MTTP: variants seen among roughly 807,000 people sequenced by gnomAD.
MTTP encodes microsomal triglyceride transfer protein, also known as microsomal triglyceride transfer protein large subunit.
A neutral mutation model predicts 90.6 loss-of-function variants in MTTP; 49 were observed. The observed-to-expected ratio is 0.54, with a 90% confidence interval of 0.43 to 0.69. The LOEUF (loss-of-function observed/expected upper bound fraction) is 0.69, where lower values mean the gene tolerates loss of function less well. Among genes scored for constraint, MTTP ranks in the 30% least tolerant of loss-of-function variants. MTTP has a pLI of 0.00. For synonymous variants in MTTP, 347 were observed against 384.2 expected, an observed-to-expected ratio of 0.90 and a Z score of 1.13; for missense variants, 945 against 1,067.5, an observed-to-expected ratio of 0.89 and a Z score of 1.60.
intron 17 of MTTP, 32 bp from the exon 18 acceptor site, chr4:99,622,645 G>A: frequency 6.2e-7 from 1 of 1,611,212 alleles, no homozygotes; most frequent in Admixed American, 1.7e-5. Flanking sequence ...AACTGTGTGT[G>A]TAATTCTGTT....
At chr4:99,616,972 C>T (rs954679403) in intron 15 of MTTP, among the ~76,000 whole-genome samples, 6 of 152,046 alleles carry the variant, frequency 3.9e-5, no homozygotes, top group East Asian at 1.9e-4. Context: ...GGTGGATGAA[C>T]AAGATTATAA....
chr4:99,597,108 T>C lies in MTTP; in HGVS notation c.951T>C (p.Pro317=). The change falls in exon 8 of 18, where the codon CCT becomes CCC. Residue 317 remains proline, a synonymous_variant. Coordinates refer to ENST00000265517, the MANE Select transcript of MTTP (RefSeq NM_001386140.1). ...GGTCCACCAGGAAATACCTGCAGCC[T>C]GACAACCTTTCCAAGGCTGAGGCTG... ...LWRSTRKYLQ[P]DNLSKAEAVR... is the part of the protein sequence containing the mutation. 6.2e-7 allele frequency: 1 copy of C among 1,613,998 alleles called. No homozygotes were observed. Among genetic ancestry groups the C allele is most frequent in the Non-Finnish European group, 8.5e-7 (1 of 1,179,886 alleles).
At chr4:99,611,942 C>A (rs1448299684) in intron 14 of MTTP, among the ~76,000 whole-genome samples, 1 of 152,104 alleles carries the variant, frequency 6.6e-6, no homozygotes, top group East Asian at 1.9e-4. Context: ...ATTTCTCCAA[C>A]ACTGCTAGAA....
intron 10 of MTTP, among the ~76,000 whole-genome samples, chr4:99,605,481 A>G (rs1040561412): frequency 1.3e-5 from 2 of 152,112 alleles, no homozygotes; most frequent in African/African-American, 4.8e-5. Flanking sequence ...TCTCCTATGA[A>G]TGGTCATGTA....
intron 3 of MTTP, among the ~76,000 whole-genome samples, chr4:99,585,929 A>G (rs961030662): frequency 1.3e-5 from 2 of 152,162 alleles, no homozygotes; most frequent in Non-Finnish European, 2.9e-5. Flanking sequence ...CAGAAAGATC[A>G]TTACTTAAAT....
At chr4:99,598,002 T>TAC (rs367751335) in intron 8 of MTTP, among the ~76,000 whole-genome samples, 363 of 151,260 alleles carry the variant, frequency 2.4e-3, no homozygotes, top group Middle Eastern at 0.014. Context: ...TTAGCCAAGT[T>TAC]ACACACACAC....
chr4:99,621,017 A>G, intron 16 of MTTP, 44 bp from the exon 17 acceptor site: 1 of 1,577,098 alleles, frequency 6.3e-7, no homozygotes, highest in Non-Finnish European at 8.7e-7. Flanking sequence ...AATACCATTA[A>G]ATATAATATG....
chr4:99,575,504 A>G (rs1313557089), intron 1 of MTTP, among the ~76,000 whole-genome samples: 1 of 152,234 alleles, frequency 6.6e-6, no homozygotes, highest in African/African-American at 2.4e-5. Flanking sequence ...GATAGAATTC[A>G]TAGTGAATTA....
At chr4:99,585,603 T>C (rs572077173) in intron 3 of MTTP, among the ~76,000 whole-genome samples, 2 of 152,268 alleles carry the variant, frequency 1.3e-5, no homozygotes, top group South Asian at 2.1e-4. Flanking sequence ...TTCATAGATA[T>C]TATTTGCATT....
At chr4:99,582,947 C>T (rs1192540782) in intron 2 of MTTP, among the ~76,000 whole-genome samples, 1 of 152,118 alleles carries the variant, frequency 6.6e-6, no homozygotes, top group Non-Finnish European at 1.5e-5. Flanking sequence ...CTCCAGAAAA[C>T]ATTATATTCC....
At chr4:99,572,285 C>T (rs1475964691), upstream of MTTP, among the ~76,000 whole-genome samples, 1 of 151,860 alleles carries the variant, frequency 6.6e-6, no homozygotes, top group African/African-American at 2.4e-5. Flanking sequence ...ATCAGTTTTA[C>T]CCCTGTATGT....
At chr4:99,612,286 G>A (rs748730334) in intron 14 of MTTP, among the ~76,000 whole-genome samples, 4 of 152,018 alleles carry the variant, frequency 2.6e-5, no homozygotes, top group Admixed American at 2.6e-4. Flanking sequence ...TTAAAGGGCT[G>A]GGTATGGAGG....
intron 8 of MTTP, among the ~76,000 whole-genome samples, chr4:99,598,653 CTTTTTTTTTTTTTTTTT>C (rs745529189): frequency 1.2e-5 from 1 of 82,536 alleles, no homozygotes; most frequent in Admixed American, 1.5e-4. Flanking sequence ...TCAAGGAAGT[CTTTTTTTTTTTTTTTTT>C]TTTTTTTTTT....
intron 10 of MTTP, among the ~76,000 whole-genome samples, chr4:99,605,444 T>G (rs1161876802): frequency 6.6e-6 from 1 of 152,220 alleles, no homozygotes; most frequent in African/African-American, 2.4e-5. Context: ...TACTCCATTG[T>G]GTCTATGGAC....
At chr4:99,572,167 A>C (rs1000116645), upstream of MTTP, among the ~76,000 whole-genome samples, 1 of 152,004 alleles carries the variant, frequency 6.6e-6, no homozygotes, top group African/African-American at 2.4e-5. Flanking sequence ...TTATCAATGC[A>C]AATGGAAGTA....
intron 12 of MTTP, among the ~76,000 whole-genome samples, chr4:99,609,618 C>A (rs1409784688): frequency 2.0e-5 from 3 of 151,602 alleles, no homozygotes; most frequent in Non-Finnish European, 4.4e-5. Flanking sequence ...AGAACACTAC[C>A]CCCACGAAAG....
chr4:99,578,441 T>C (rs551612369), intron 1 of MTTP, among the ~76,000 whole-genome samples: 3 of 152,282 alleles, frequency 2.0e-5, no homozygotes, highest in African/African-American at 7.2e-5. Context: ...AGAGAAATAC[T>C]TATCAAAAAG....
rs1725179593 is a variant in MTTP, at chr4:99,583,501, A to G, written c.377A>G (p.His126Arg). The change falls in exon 3 of 18, where the codon CAT (histidine) becomes CGT (arginine). Residue 126 changes from histidine to arginine, a missense_variant. Physicochemically the swap from His to Arg is conservative, Grantham distance 29 (BLOSUM62 0). Coordinates refer to ENST00000265517, the MANE Select transcript of MTTP (RefSeq NM_001386140.1). ...GCTCTGCAAAGACCTACGCTCCTTC[A>G]TCTAATCCATGGAAAGGTAAAGGGG... ...LEALQRPTLL[H>R]LIHGKVKEFY... is the part of the protein sequence containing the mutation. 1 of 1,613,626 alleles carries G rather than the reference A, an allele frequency of 6.2e-7. No homozygotes were observed. The highest frequency in any genetic ancestry group is 8.5e-7 in the Non-Finnish European group (1 of 1,179,816).
chr4:99,589,877 C>A, intron 4 of MTTP, 127 bp downstream of exon 4: 1 of 695,478 alleles, frequency 1.4e-6, no homozygotes, highest in Non-Finnish European at 2.5e-6. Flanking sequence ...GTAGTGAAGT[C>A]GCATTTGCCT....
Sources: allele counts gnomAD v4.1 joint callset (sites outside exome capture counted in the v4.1 genomes callset), GRCh38; gene constraint gnomAD v4.1.1; transcripts MANE v1.5; gene names NCBI Gene and HGNC (gene_info 2026-07-23, HGNC 2026-07-21).